Variants in IRF4 observed in about 807,000 individuals in gnomAD.
IRF4 encodes the protein lymphocyte-specific interferon regulatory factor.
Under a neutral mutation model 55.5 loss-of-function variants are expected in IRF4, and 13 were observed. The ratio of observed to expected loss-of-function variants is 0.23; its 90% CI spans 0.15 to 0.37. The LOEUF (loss-of-function observed/expected upper bound fraction) is 0.37. IRF4 is among the 10% of genes least tolerant of loss of function. The pLI is 1.00. For synonymous variants in IRF4, 249 were observed against 240.7 expected (o/e 1.03, Z -0.32); for missense variants, 397 against 593.8 (o/e 0.67, Z 3.44).
At chr6:394,381 T>C (rs1464522629) in intron 2 of IRF4, among the ~76,000 whole-genome samples, 1 of 152,254 alleles carries the variant, frequency 6.6e-6, no homozygotes, top group Non-Finnish European at 1.5e-5. Flanking sequence ...AGCTGGGGTC[T>C]TTCAGTTTAC....
chr6:407,290 CA>C (rs1311208668), intron 8 of IRF4, among the ~76,000 whole-genome samples, 164 bp from the exon 9 acceptor site: 1 of 152,120 alleles, frequency 6.6e-6, no homozygotes, highest in Non-Finnish European at 1.5e-5. Flanking sequence ...AAGGACTAAC[CA>C]AAAAATTGCT....
intron 5 of IRF4, 157 bp downstream of exon 5, chr6:397,409 T>A: frequency 1.3e-6 from 1 of 799,068 alleles, no homozygotes; most frequent in South Asian, 1.8e-5. Context: ...CTCACTCCTG[T>A]GGGATGGTGG....
Position 393,195 on chromosome 6 carries a change from A to G in IRF4, c.43A>G (p.Ser15Gly). ...GGGRGGEFGM[S>G]AVSCGNGKLR... Reference sequence around the variant, plus strand: ...CGGCCGAGGCGGAGAGTTCGGCATGAGCGCGGTGAGCTGCGGCAACGGGAA... The same window carrying G: ...CGGCCGAGGCGGAGAGTTCGGCATGGGCGCGGTGAGCTGCGGCAACGGGAA... The change falls in exon 2 of 9, where the codon AGC becomes GGC. Residue 15 changes from serine (S) to glycine (G), a missense_variant. Around this residue, in one of 3 missense-constraint regions of IRF4, gnomAD observed 34 missense variants for 29.4 expected, o/e 1.16. Transcript: ENST00000380956. This position sits in a 1 kb window ranked among gnomAD's most constrained non-coding sequence, Gnocchi z 5.4. 6.4e-7 allele frequency: 1 copy of G among 1,556,242 alleles called. No individual in the cohort carries two copies. The highest frequency in any genetic ancestry group is 8.7e-7 in the Non-Finnish European group (1 of 1,149,790).
rs1221893341 is a variant in IRF4 at position 407,589 on chromosome 6, T to C, written c.1347T>C (p.Ile449=). The change falls in exon 9 of 9, where the codon ATT becomes ATC. Residue 449 remains isoleucine (I), a synonymous_variant. Transcript: ENST00000380956. The part of the protein sequence containing the change: ...DYHRSIRHSS[I]QE ...ACAGATCTATCCGCCATTCCTCTAT[T>C]CAAGAATGAAAAATGTCAAGATGAG... 5 of 1,596,548 alleles carry C rather than the reference T, an allele frequency of 3.1e-6. No individual in the cohort carries two copies. The highest frequency in any genetic ancestry group is 4.3e-6 in the Non-Finnish European group (5 of 1,175,032).
At chr6:397,346 G>A (rs1279292603) in intron 5 of IRF4, 94 bp downstream of exon 5, 8 of 1,450,978 alleles carry the variant, frequency 5.5e-6, no homozygotes, top group South Asian at 5.0e-5. Flanking sequence ...CAGCACCAAA[G>A]CTCTTTCCCC....
chr6:394,123 C>T (rs1252138432), intron 2 of IRF4, among the ~76,000 whole-genome samples: 1 of 152,178 alleles, frequency 6.6e-6, no homozygotes, highest in Admixed American at 6.5e-5. Flanking sequence ...AAGGGGACTT[C>T]CTCCGGGAAT....
At position 393,731 on chromosome 6, in the gene IRF4, C is replaced by T. The variant is rs1405091741; in HGVS notation, c.216+363C>T. ...CCTCCGGGCTCCCGTCTGCCGCCTC[C>T]GTCCGTGGGTCCCCCTCGCCCTCTC... On this transcript the variant is annotated intron_variant, in intron 2 of 8. Coordinates refer to ENST00000380956, the MANE Select transcript of IRF4 (RefSeq NM_002460.4). This position sits in a 1 kb window ranked among gnomAD's most constrained non-coding sequence, Gnocchi z 5.4. Among the ~76,000 whole-genome samples the T allele has an allele frequency of 6.6e-6, 1 of 152,238 alleles. No individual in the cohort carries two copies. The highest frequency in any genetic ancestry group is 1.5e-5 in the Non-Finnish European group (1 of 68,042).
In IRF4 at chr6:391,806, C is replaced by T. The variant is rs952017217; in HGVS notation, c.-59C>T. ...GCTGCCCTCAGCTCCGAGTCCAGGG[C>T]GAGGTAAGGGCTGGAGTCGGGCAGG... On this transcript the variant is annotated 5_prime_UTR_variant, in exon 1 of 9. Transcript: ENST00000380956. 1 of 455,896 alleles carries T rather than the reference C, an allele frequency of 2.2e-6. No homozygotes were observed. The highest frequency in any genetic ancestry group is 2.0e-5 in the African/African-American group (1 of 50,056). The allele number at this position is 455,896 out of a possible 1,614,324, so 28.2% of individuals were successfully genotyped here.
In IRF4 at chr6:393,072, C is replaced by G; in HGVS notation, c.-55-26C>G. The G allele has an allele frequency of 2.3e-6, 3 of 1,329,450 alleles. No homozygotes were observed. Among genetic ancestry groups the G allele is most frequent in the Non-Finnish European group, 3.1e-6 (3 of 973,320 alleles). 82.4% of individuals were successfully genotyped at this position (1,329,450 alleles called of 1,614,324 possible). ...GTGCCCGGAGTGCGGTGCCTCGTGG[C>G]TGAAGGGCAGCTCTTCTCCCCGCAG... On this transcript the variant is annotated intron_variant, in intron 1 of 8. Transcript: ENST00000380956. The surrounding 1 kb of genome is among the most constrained non-coding windows in gnomAD (Gnocchi z 5.4).
At chr6:396,146 G>C in intron 4 of IRF4, 1 of 557,664 alleles carries the variant, frequency 1.8e-6, no homozygotes. Context: ...AGGGTCGGGC[G>C]TGTCCGCCTG....
At position 396,141 on chromosome 6, in the gene IRF4, C is replaced by T. The variant is rs1040470036; in HGVS notation, c.492+206C>T. ...GTGTGGATTTTAAGTTGGGGAGGGT[C>T]GGGCGTGTCCGCCTGTTGGAATATG... On this transcript the variant is annotated intron_variant, in intron 4 of 8. Coordinates refer to ENST00000380956, the MANE Select transcript of IRF4 (RefSeq NM_002460.4). The T allele has an allele frequency of 3.6e-5, 20 of 561,524 alleles. 1 individual carries two copies. Among genetic ancestry groups the T allele is most frequent in the Admixed American group, 1.7e-4 (5 of 29,802 alleles). The allele number at this position is 561,524 out of a possible 1,614,324, so 34.8% of individuals were successfully genotyped here. A position where few individuals can be genotyped will look rare whatever the true frequency, so the allele number is the denominator to read the frequency against.
Position 408,653 on chromosome 6 carries a change from C to T in IRF4, c.*1055C>T, listed in dbSNP as rs1383222549. 2 of 229,774 alleles carry T rather than the reference C, an allele frequency of 8.7e-6. No homozygotes were observed. The highest frequency in any genetic ancestry group is 4.4e-5 in the African/African-American group (2 of 45,166). The allele number at this position is 229,774 out of a possible 1,614,324, so 14.2% of individuals were successfully genotyped here. ...AATACTTGAACTGTTGCCCTTCTGT[C>T]CAAGTACTTAACTATCTGTTCCCTT... On this transcript the variant is annotated 3_prime_UTR_variant, in exon 9 of 9. Transcript: ENST00000380956.
Position 393,009 on chromosome 6 carries a change from G to A in IRF4, c.-55-89G>A. The A allele has an allele frequency of 1.4e-6, 1 of 732,720 alleles. No homozygotes were observed. Among genetic ancestry groups the A allele is most frequent in the South Asian group, 2.0e-5 (1 of 51,262 alleles). The allele number at this position is 732,720 out of a possible 1,614,324, so 45.4% of individuals were successfully genotyped here. A position where few individuals can be genotyped will look rare whatever the true frequency, so the allele number is the denominator to read the frequency against. On this transcript the variant is annotated intron_variant, in intron 1 of 8. Transcript: ENST00000380956. The surrounding 1 kb of genome is among the most constrained non-coding windows in gnomAD (Gnocchi z 5.4). ...CGCGCTTCGCAGCCTCAAAGACTCC[G>A]GGGCCTCGTGGTCACTGGCGCAGGG...
intron 4 of IRF4, among the ~76,000 whole-genome samples, chr6:396,415 T>C (rs1429457209): frequency 6.6e-6 from 1 of 152,238 alleles, no homozygotes; most frequent in Non-Finnish European, 1.5e-5. Context: ...TTTATGATCC[T>C]CCATGAGTGT....
In IRF4 at chr6:393,663, G is replaced by A. The variant is rs1315697620; in HGVS notation, c.216+295G>A. On this transcript the variant is annotated intron_variant, in intron 2 of 8. Coordinates refer to ENST00000380956, the MANE Select transcript of IRF4 (RefSeq NM_002460.4). This position sits in a 1 kb window ranked among gnomAD's most constrained non-coding sequence, Gnocchi z 5.4. ...GCCAAAGGCTTGAGGGGTTTTGCGCGTTCGTCCGTGCGTTCTCGTTTCCAC... is the reference window on the plus strand; with the variant it reads ...GCCAAAGGCTTGAGGGGTTTTGCGCATTCGTCCGTGCGTTCTCGTTTCCAC... Among the ~76,000 whole-genome samples the A allele has an allele frequency of 1.3e-5, 2 of 152,146 alleles. No individual in the cohort carries two copies. Among genetic ancestry groups the A allele is most frequent in the Non-Finnish European group, 2.9e-5 (2 of 68,006 alleles).
Position 397,454 on chromosome 6 carries a change from C to T in IRF4, c.637+202C>T, listed in dbSNP as rs531125527. The T allele has an allele frequency of 5.1e-6, 3 of 584,318 alleles. No homozygotes were observed. In the East Asian group the frequency reaches 8.6e-5, roughly 17 times the overall value. The allele number at this position is 584,318 out of a possible 1,614,324, so 36.2% of individuals were successfully genotyped here. ...GCCAAGTTTACTCTCAGGATCCATG[C>T]TAGGCACTGCCCTTCGTGGGATCTT... On this transcript the variant is annotated intron_variant, in intron 5 of 8. Coordinates refer to ENST00000380956, the MANE Select transcript of IRF4 (RefSeq NM_002460.4).
Position 401,464 on chromosome 6 carries a change from C to G in IRF4, c.786C>G (p.Leu262=), listed in dbSNP as rs41301855. The part of the protein sequence containing the change: ...LHICLYYREI[L]VKELTTSSPE... The stretch of plus-strand genomic sequence containing the variant: ...TCTGCCTGTACTACCGGGAAATCCT[C>G]GTGAAGGAGCTGACCACGTCCAGCC... Residue 262 remains leucine (L), a synonymous_variant, in exon 7 of 9, where the codon CTC becomes CTG. Transcript: ENST00000380956. 6.2e-7 allele frequency: 1 copy of G among 1,613,704 alleles called. No individual in the cohort carries two copies. The highest frequency in any genetic ancestry group is 8.5e-7 in the Non-Finnish European group (1 of 1,180,010).
chr6:398,437 G>T (rs1190067005), intron 5 of IRF4, among the ~76,000 whole-genome samples: 2 of 152,234 alleles, frequency 1.3e-5, no homozygotes, highest in East Asian at 1.9e-4. Flanking sequence ...TAAATAATTT[G>T]CTAGTTTTTA....
rs534150703 is a variant in IRF4, at chr6:410,355, C to T, written c.*2757C>T. 4.4e-6 allele frequency: 1 copy of T among 228,094 alleles called. No individual in the cohort carries two copies. The highest frequency in any genetic ancestry group is 6.2e-5 in the East Asian group (1 of 16,106). 14.1% of individuals were successfully genotyped at this position (228,094 alleles called of 1,614,324 possible). ...GAGAACCAAGTGACCGACTCATTTA[C>T]AACTGAAACCTAGGAAGCCCCTGAG... is the stretch of plus-strand genomic sequence containing the variant. On this transcript the variant is annotated 3_prime_UTR_variant, in exon 9 of 9. Coordinates refer to ENST00000380956, the MANE Select transcript of IRF4 (RefSeq NM_002460.4).
Sources: gnomAD v4.1 joint callset for allele counts (sites outside exome capture counted in the v4.1 genomes callset) on GRCh38, gnomAD v4.1.1 for gene constraint, gnomAD v4.1.1 regional missense constraint, Gnocchi (gnomAD v3.1) non-coding constraint, MANE v1.5 for transcripts, NCBI Gene and HGNC (gene_info 2026-07-23, HGNC 2026-07-21) for gene names.